The following WDR17 variants were observed in gnomAD, a reference collection of about 807,000 sequenced individuals.
WDR17 encodes the protein WD repeat domain 17.
Under a neutral mutation model 161.7 loss-of-function variants are expected in WDR17, and 143 were observed. That is an observed-to-expected ratio of 0.88 (90% CI 0.77 to 1.02). The LOEUF (loss-of-function observed/expected upper bound fraction) is 1.02. Among genes scored for constraint, WDR17 ranks in the 50% least tolerant of loss-of-function variants. The pLI is 0.00. For synonymous variants in WDR17, 517 were observed against 515.6 expected (o/e 1.00, Z -0.04); for missense variants, 1,469 against 1,520.9 (o/e 0.97, Z 0.57).
At position 176,065,992 on chromosome 4, in the gene WDR17, C is replaced by T. The variant is rs1390083235; in HGVS notation, c.-94C>T. 1 of 152,108 alleles carries T rather than the reference C, an allele frequency of 6.6e-6. No individual in the cohort carries two copies. The highest frequency in any genetic ancestry group is 1.5e-5 in the Non-Finnish European group (1 of 68,032). The allele number at this position is 152,108 out of a possible 1,614,324, so 9.4% of individuals were successfully genotyped here. A position where few individuals can be genotyped will look rare whatever the true frequency, so the allele number is the denominator to read the frequency against. ...AGCAGGCGGGGAGGGCGGGGAGGGT[C>T]CGCGCGTTGGTGGTGCTCGCCTCGC... On this transcript the variant is annotated 5_prime_UTR_variant, in exon 1 of 29. Transcript: ENST00000508596.
intron 5 of WDR17, among the ~76,000 whole-genome samples, chr4:176,127,605 C>T (rs538825042): frequency 6.6e-5 from 10 of 152,186 alleles, no homozygotes; most frequent in East Asian, 5.8e-4. Flanking sequence ...CCAATAGGCA[C>T]GGAAATTGTT....
At chr4:176,165,223 G>A (rs1749606975) in intron 22 of WDR17, among the ~76,000 whole-genome samples, 1 of 151,110 alleles carries the variant, frequency 6.6e-6, no homozygotes, top group African/African-American at 2.4e-5. Flanking sequence ...AAAAAAATTA[G>A]CCAGGCATGG....
rs1749947173 is a variant in WDR17 at position 176,167,450 on chromosome 4, T to C, written c.2991-1222T>C. Among the ~76,000 whole-genome samples, 5 of 150,448 alleles carry C rather than the reference T, an allele frequency of 3.3e-5. No homozygotes were observed. The South Asian group carries it at 1.1e-3, about 32-fold the overall frequency. On this transcript the variant is annotated intron_variant, in intron 22 of 28. Coordinates refer to ENST00000508596, the MANE Select transcript of WDR17 (RefSeq NM_181265.4). ...TCACGAGGTCAGGAGATCGAGACCA[T>C]CCTGGCTAACACGGTGAAACCCCGT...
intron 5 of WDR17, among the ~76,000 whole-genome samples, chr4:176,125,888 T>G (rs905311168): frequency 6.6e-6 from 1 of 152,184 alleles, no homozygotes; most frequent in Non-Finnish European, 1.5e-5. Context: ...TTAAGGCTAA[T>G]GTAAAGAGGC....
chr4:176,081,011 C>T (rs1734679929), intron 1 of WDR17, among the ~76,000 whole-genome samples: 1 of 152,010 alleles, frequency 6.6e-6, no homozygotes, highest in African/African-American at 2.4e-5. Flanking sequence ...TTCTCTCTCT[C>T]AATGAATGGG....
rs756901823 is a variant in WDR17, at chr4:176,179,629, A to G, written c.*50A>G. 2 of 1,493,068 alleles carry G rather than the reference A, an allele frequency of 1.3e-6. No homozygotes were observed. Among genetic ancestry groups the G allele is most frequent in the Admixed American group, 2.1e-5 (1 of 46,804 alleles). The allele number at this position is 1,493,068 out of a possible 1,614,324, so 92.5% of individuals were successfully genotyped here. A position where few individuals can be genotyped will look rare whatever the true frequency, so the allele number is the denominator to read the frequency against. On this transcript the variant is annotated 3_prime_UTR_variant, in exon 29 of 29. Transcript: ENST00000508596. ...TTTTTTTTTTTAAAGAAAAACTTTC[A>G]TGGGTTAGCATTACCTTAATCTTTG...
At chr4:176,158,212 T>C (rs1748462550) in intron 18 of WDR17, among the ~76,000 whole-genome samples, 1 of 152,144 alleles carries the variant, frequency 6.6e-6, no homozygotes, top group Non-Finnish European at 1.5e-5. Flanking sequence ...TTAGAGAAGG[T>C]CAATAGCAGA....
chr4:176,170,037 T>C (rs1464028630), intron 23 of WDR17, among the ~76,000 whole-genome samples: 1 of 152,210 alleles, frequency 6.6e-6, no homozygotes, highest in East Asian at 1.9e-4. Flanking sequence ...AGCTATCCTC[T>C]GAGGCAGAAG....
intron 8 of WDR17, among the ~76,000 whole-genome samples, chr4:176,137,118 A>G (rs2126776227): frequency 6.6e-6 from 1 of 151,664 alleles, no homozygotes; most frequent in Non-Finnish European, 1.5e-5. Context: ...ATAATCATGG[A>G]AGTATGAATG....
At chr4:176,165,875 T>TA (rs1314307016) in intron 22 of WDR17, among the ~76,000 whole-genome samples, 1 of 152,218 alleles carries the variant, frequency 6.6e-6, no homozygotes, top group African/African-American at 2.4e-5. Context: ...TATCCATAGA[T>TA]ATGTGTAACA....
rs1275035712 is a variant in WDR17, at chr4:176,109,838, TA to T, written c.-6-1736del. Among the ~76,000 whole-genome samples the T allele has an allele frequency of 5.3e-5, 8 of 152,310 alleles. No individual in the cohort carries two copies. The East Asian group carries it at 1.5e-3, about 29-fold the overall frequency. ...ATGTGTGTAGGTTTTGTATGTGTGATATTTTACATGTTGTGGTTTTGACATT... is the reference window on the plus strand; with the variant it reads ...ATGTGTGTAGGTTTTGTATGTGTGATTTTTACATGTTGTGGTTTTGACATT... On this transcript the variant is annotated intron_variant, in intron 1 of 28. Coordinates refer to ENST00000508596, the MANE Select transcript of WDR17 (RefSeq NM_181265.4).
intron 18 of WDR17, among the ~76,000 whole-genome samples, chr4:176,158,943 C>G (rs569428689): frequency 3.3e-5 from 5 of 152,274 alleles, no homozygotes; most frequent in South Asian, 4.1e-4. Flanking sequence ...TAACCAGCTT[C>G]TTTCTAAACA....
intron 1 of WDR17, among the ~76,000 whole-genome samples, chr4:176,104,952 TA>T (rs900373595): frequency 5.3e-5 from 8 of 151,872 alleles, no homozygotes; most frequent in Non-Finnish European, 1.0e-4. Flanking sequence ...AGAATTAATT[TA>T]AAAAAAGATC....
Position 176,128,779 on chromosome 4 carries a change from A to G in WDR17, c.832A>G (p.Thr278Ala), listed in dbSNP as rs780447341. The G allele has an allele frequency of 6.2e-7, 1 of 1,605,884 alleles. No homozygotes were observed. The highest frequency in any genetic ancestry group is 8.5e-7 in the Non-Finnish European group (1 of 1,177,068). The change falls in exon 6 of 29, where the codon ACA becomes GCA. Residue 278 changes from threonine (T) to alanine (A), a missense_variant. Physicochemically the swap from Thr to Ala is moderately conservative, Grantham distance 58. Transcript: ENST00000508596. ...TTTACGCATTTGGAATGTTTCAAGA[A>G]CAACACCTATTGATAATCTTAAATT... ...GVLRIWNVSR[T>A]TPIDNLKLKK...
At chr4:176,164,196 A>G (rs1451283953) in intron 22 of WDR17, among the ~76,000 whole-genome samples, 1 of 152,190 alleles carries the variant, frequency 6.6e-6, no homozygotes, top group Non-Finnish European at 1.5e-5. Context: ...ACTAGGTTCT[A>G]TGTGGTAGGT....
intron 1 of WDR17, among the ~76,000 whole-genome samples, chr4:176,089,143 G>A (rs553831413): frequency 9.2e-5 from 14 of 152,090 alleles, no homozygotes; most frequent in East Asian, 5.8e-4. Context: ...TTTAGATTAC[G>A]TACCTGAAAG....
In WDR17 at chr4:176,083,649, T is replaced by G. The variant is rs574342516; in HGVS notation, c.-7+17570T>G. Among the ~76,000 whole-genome samples, 5 of 152,284 alleles carry G rather than the reference T, an allele frequency of 3.3e-5. No homozygotes were observed. In the East Asian group the frequency reaches 9.6e-4, roughly 29 times the overall value. ...AATAGAAATACTGTGAATATTCTAA[T>G]ACATGTCTTTTGATGAACATTACCC... On this transcript the variant is annotated intron_variant, in intron 1 of 28. Coordinates refer to ENST00000508596, the MANE Select transcript of WDR17 (RefSeq NM_181265.4).
chr4:176,095,950 C>T (rs1265644137), intron 1 of WDR17, among the ~76,000 whole-genome samples: 1 of 152,098 alleles, frequency 6.6e-6, no homozygotes, highest in African/African-American at 2.4e-5. Context: ...CGTATTAGCA[C>T]TGTATTAAAT....
Position 176,115,794 on chromosome 4 carries a change from A to T in WDR17, c.124-2A>T, listed in dbSNP as rs1173657820. ...ATATTTTATTTATATATTTTGTTTT[A>T]GTTGGATCACCGTTATAATGAATTC... On this transcript the variant is annotated splice_acceptor_variant, in intron 2 of 28. Coordinates refer to ENST00000508596, the MANE Select transcript of WDR17 (RefSeq NM_181265.4). LOFTEE classifies it high-confidence loss of function. The T allele has an allele frequency of 1.9e-6, 3 of 1,586,196 alleles. No individual in the cohort carries two copies. The highest frequency in any genetic ancestry group is 2.6e-6 in the Non-Finnish European group (3 of 1,167,434).
Sources: allele counts gnomAD v4.1 joint callset (sites outside exome capture counted in the v4.1 genomes callset), GRCh38; gene constraint gnomAD v4.1.1; transcripts MANE v1.5; gene names NCBI Gene and HGNC (gene_info 2026-07-23, HGNC 2026-07-21).